Variants in SACS observed in about 807,000 individuals in gnomAD.
The protein encoded by SACS is sacsin molecular chaperone.
In SACS, 197 loss-of-function variants were observed where a neutral mutation model predicts 348.0. The observed-to-expected ratio is 0.57, with a 90% CI of 0.50 to 0.64. The LOEUF is 0.64. Ranked by LOEUF, SACS falls within the 30% of genes least tolerant of loss-of-function variation. SACS has a pLI of 0.00. For missense variants in SACS, 4,999 were observed against 5,360.8 expected (o/e 0.93, Z 2.11); for synonymous variants, 1,985 against 1,910.6 (o/e 1.04, Z -1.02).
At chr13:23,410,683 TA>T (rs1203641859) in intron 2 of SACS, among the ~76,000 whole-genome samples, 2 of 151,950 alleles carry the variant, frequency 1.3e-5, no homozygotes, top group African/African-American at 4.8e-5. Flanking sequence ...TAAATATACA[TA>T]CTTTTTTTTT....
chr13:23,340,066 A>G lies in SACS; in HGVS notation c.3810T>C (p.Phe1270=). The change falls in exon 10 of 10, where the codon TTT becomes TTC. Residue 1270 remains phenylalanine (F), a synonymous_variant. Coordinates refer to ENST00000382292, the MANE Select transcript of SACS (RefSeq NM_014363.6). ...HDHLNEGKDS[F]RALKFPWVWT... ...AAACCCATGGAAATTTTAAGGCTCT[A>G]AAAGAATCTTTCCCTTCATTTAGAT... The G allele has an allele frequency of 6.2e-7, 1 of 1,614,086 alleles. No individual in the cohort carries two copies. The highest frequency in any genetic ancestry group is 8.5e-7 in the Non-Finnish European group (1 of 1,179,988).
rs888113679 is a variant in SACS, at chr13:23,334,200, A to G, written c.9676T>C (p.Tyr3226His). 1.9e-6 allele frequency: 3 copies of G among 1,613,836 alleles called. No homozygotes were observed. The highest frequency in any genetic ancestry group is 1.7e-5 in the Admixed American group (1 of 59,948). Residue 3226 changes from tyrosine to histidine, a missense_variant, in exon 10 of 10, where the codon TAT becomes CAT. This residue lies in a region of SACS where 734 missense variants were observed against 694.0 expected (regional missense o/e 1.06). Coordinates refer to ENST00000382292, the MANE Select transcript of SACS (RefSeq NM_014363.6). ...CACTTTGTGCAACTTTTGGTCTTAT[A>G]TTCTCGAGGCAACACAGAGGATAAC... ...DLLSSVLPRE[Y>H]KTKSCTKWKD...
At chr13:23,422,270 A>T (rs1873981296) in intron 1 of SACS, among the ~76,000 whole-genome samples, 1 of 152,236 alleles carries the variant, frequency 6.6e-6, no homozygotes, top group Admixed American at 6.5e-5. Flanking sequence ...ATAACTAAAA[A>T]CAAGCCATGT....
intron 2 of SACS, among the ~76,000 whole-genome samples, chr13:23,402,306 A>G (rs780980371): frequency 2.0e-5 from 3 of 152,194 alleles, no homozygotes; most frequent in Non-Finnish European, 2.9e-5. Context: ...AATGATGACA[A>G]TGGTTTTTGT....
intron 2 of SACS, among the ~76,000 whole-genome samples, chr13:23,378,856 T>C (rs1440972318): frequency 6.6e-6 from 1 of 152,196 alleles, no homozygotes; most frequent in African/African-American, 2.4e-5. Context: ...CAGCTCTAGA[T>C]ACAATAGTAG....
At chr13:23,431,091 G>T (rs993491507) in intron 1 of SACS, among the ~76,000 whole-genome samples, 1 of 152,110 alleles carries the variant, frequency 6.6e-6, no homozygotes, top group Non-Finnish European at 1.5e-5. Flanking sequence ...CTGCAAAATG[G>T]GGCTGCCTGT....
In SACS at chr13:23,340,093, A is replaced by T; in HGVS notation, c.3783T>A (p.Asp1261Glu). Residue 1261 changes from aspartate to glutamate, a missense_variant, in exon 10 of 10, where the codon GAT (aspartate) becomes GAA (glutamate). Coordinates refer to ENST00000382292, the MANE Select transcript of SACS (RefSeq NM_014363.6). ...AAGAATCTTTCCCTTCATTTAGATG[A>T]TCATGCATGAATCCGTAAATCTCAA... ...ILLEIYGFMH[D>E]HLNEGKDSFR... The T allele has an allele frequency of 1.2e-6, 2 of 1,614,042 alleles. No individual in the cohort carries two copies. The highest frequency in any genetic ancestry group is 1.7e-6 in the Non-Finnish European group (2 of 1,179,984).
chr13:23,360,589 C>T (rs1231523968), intron 6 of SACS, among the ~76,000 whole-genome samples: 6 of 152,124 alleles, frequency 3.9e-5, no homozygotes, highest in Non-Finnish European at 7.3e-5. Context: ...CCTTCCTTCC[C>T]ACTGTCAACT....
chr13:23,405,129 C>A (rs918342989), intron 2 of SACS, among the ~76,000 whole-genome samples: 2 of 152,114 alleles, frequency 1.3e-5, no homozygotes, highest in African/African-American at 4.8e-5. Flanking sequence ...AATAACAAAG[C>A]TGGAGGCATC....
chr13:23,359,223 T>G (rs1870585676), intron 6 of SACS, among the ~76,000 whole-genome samples: 2 of 152,148 alleles, frequency 1.3e-5, no homozygotes, highest in African/African-American at 2.4e-5. Flanking sequence ...AGACTTGCTA[T>G]GTAAAGAAAC....
intron 2 of SACS, among the ~76,000 whole-genome samples, chr13:23,386,158 A>G (rs192800143): frequency 4.8e-4 from 73 of 152,334 alleles, no homozygotes; most frequent in Non-Finnish European, 7.8e-4. Flanking sequence ...GCCCCTAACA[A>G]GAGTCAACTT....
rs970232327 is a variant in SACS at position 23,336,324 on chromosome 13, G to A, written c.7552C>T (p.Leu2518Phe). Residue 2518 changes from leucine (L) to phenylalanine (F), a missense_variant, in exon 10 of 10, where the codon CTT (leucine) becomes TTT (phenylalanine). Leu to Phe is a conservative substitution (Grantham distance 22, BLOSUM62 0). This residue lies in a region of SACS where 3,156 missense variants were observed against 3,380.1 expected (regional missense o/e 0.93). Transcript: ENST00000382292. ...RYASNVCFTT[L>F]GTEFGQKEKL... ...TCTTTCTGCCCAAATTCTGTGCCAAGTGTTGTAAAACAGACATTGGATGCA... is the reference window on the plus strand; with the variant it reads ...TCTTTCTGCCCAAATTCTGTGCCAAATGTTGTAAAACAGACATTGGATGCA... The A allele has an allele frequency of 1.9e-6, 3 of 1,614,076 alleles. No individual in the cohort carries two copies. Among genetic ancestry groups the A allele is most frequent in the South Asian group, 2.2e-5 (2 of 91,072 alleles).
intron 2 of SACS, among the ~76,000 whole-genome samples, chr13:23,405,581 G>A (rs1873169523): frequency 6.6e-6 from 1 of 152,062 alleles, no homozygotes; most frequent in African/African-American, 2.4e-5. Context: ...AAGAACTTCT[G>A]CACAGCAAAA....
At chr13:23,412,126 G>A (rs1873510070) in intron 1 of SACS, among the ~76,000 whole-genome samples, 1 of 152,134 alleles carries the variant, frequency 6.6e-6, no homozygotes, top group South Asian at 2.1e-4. Context: ...GGGCGTGGTG[G>A]CGGGCGCCTG....
intron 2 of SACS, chr13:23,375,591 C>A: frequency 9.8e-7 from 1 of 1,015,924 alleles, no homozygotes; most frequent in Non-Finnish European, 1.2e-6. Flanking sequence ...GCCCTGCAGG[C>A]GCCGCCCGCG....
intron 1 of SACS, among the ~76,000 whole-genome samples, chr13:23,414,509 T>C (rs1341923723): frequency 6.6e-6 from 1 of 150,768 alleles, no homozygotes; most frequent in Non-Finnish European, 1.5e-5. Context: ...ACACTGCACA[T>C]TCATGCTTGT....
At position 23,355,838 on chromosome 13, in the gene SACS, C is replaced by T. The variant is rs1165959000; in HGVS notation, c.774G>A (p.Lys258=). Residue 258 remains lysine (K), a synonymous_variant, in exon 8 of 10, where the codon AAG becomes AAA. Coordinates refer to ENST00000382292, the MANE Select transcript of SACS (RefSeq NM_014363.6). ...APFVGIFGST[K]ETFINGNFPG... ...GAAAATTGCCGTTTATAAATGTTTC[C>T]TTGGTGCTTCCAAAAATGCCAACAA... 6.2e-7 allele frequency: 1 copy of T among 1,614,180 alleles called. No individual in the cohort carries two copies. The highest frequency in any genetic ancestry group is 2.2e-5 in the East Asian group (1 of 44,878).
chr13:23,334,911 T>A lies in SACS; in HGVS notation c.8965A>T (p.Met2989Leu). 7 of 1,613,876 alleles carry A rather than the reference T, an allele frequency of 4.3e-6. No individual in the cohort carries two copies. The highest frequency in any genetic ancestry group is 5.1e-6 in the Non-Finnish European group (6 of 1,179,822). Residue 2989 changes from methionine to leucine, a missense_variant, in exon 10 of 10, where the codon ATG becomes TTG. Around this residue, in one of 6 missense-constraint regions of SACS, gnomAD observed 734 missense variants for 694.0 expected, o/e 1.06. Transcript: ENST00000382292. ...KALYNCIHED[M>L]KRLLPVVRAP... is the part of the protein sequence containing the mutation. ...CGCACAACAGGTAAAAGACGTTTCA[T>A]GTCTTCGTGAATGCAATTGTAAAGT...
chr13:23,401,699 T>C (rs1262644366), intron 2 of SACS, among the ~76,000 whole-genome samples: 1 of 152,234 alleles, frequency 6.6e-6, no homozygotes, highest in African/African-American at 2.4e-5. Flanking sequence ...CTTAAGGCTT[T>C]TGCACCACTT....
Sources: allele counts gnomAD v4.1 joint callset (sites outside exome capture counted in the v4.1 genomes callset), GRCh38; gene constraint gnomAD v4.1.1; regional missense constraint gnomAD v4.1.1; transcripts MANE v1.5; gene names NCBI Gene and HGNC (gene_info 2026-07-23, HGNC 2026-07-21).